GRK3: variants seen among roughly 807,000 people sequenced by gnomAD.
The protein encoded by GRK3 is G protein-coupled receptor kinase 3, also known as adrenergic, beta, receptor kinase 2.
Under a neutral mutation model 95.7 loss-of-function variants are expected in GRK3, and 54 were observed. The observed-to-expected ratio is 0.56, with a 90% CI of 0.45 to 0.71. The LOEUF (loss-of-function observed/expected upper bound fraction) is 0.71. Among genes scored for constraint, GRK3 ranks in the 30% least tolerant of loss-of-function variants. The pLI is 0.00. For missense variants in GRK3, 649 were observed against 851.2 expected, an observed-to-expected ratio of 0.76 and a Z score of 2.96; for synonymous variants, 281 against 290.8, an observed-to-expected ratio of 0.97 and a Z score of 0.34.
At position 25,564,997 on chromosome 22, in the gene GRK3, C is replaced by G. The variant is rs1931396645; in HGVS notation, c.-44C>G. 5.2e-6 allele frequency: 5 copies of G among 965,814 alleles called. No homozygotes were observed. The highest frequency in any genetic ancestry group is 7.1e-6 in the Non-Finnish European group (5 of 702,224). 59.8% of individuals were successfully genotyped at this position (965,814 alleles called of 1,614,324 possible). ...GGCGGCGGCGGGCGCGCGTCCCGTC[C>G]AGGTCCGGAGTAACCGCCGCCGCCG... On this transcript the variant is annotated 5_prime_UTR_variant, in exon 1 of 21. Transcript: ENST00000324198.
intron 1 of GRK3, among the ~76,000 whole-genome samples, chr22:25,596,452 A>G (rs2084373078): frequency 1.3e-5 from 2 of 152,360 alleles, no homozygotes; most frequent in African/African-American, 4.8e-5. Flanking sequence ...TTTTACTTTT[A>G]TATTACTTGC....
intron 1 of GRK3, among the ~76,000 whole-genome samples, chr22:25,571,239 G>A (rs1207354897): frequency 2.0e-5 from 3 of 152,176 alleles, no homozygotes; most frequent in Non-Finnish European, 4.4e-5. Flanking sequence ...TGTCATAGAA[G>A]AGAAGGTTCT....
In GRK3 at chr22:25,564,693, G is replaced by A. The variant is rs180999646; in HGVS notation, c.-348G>A. Reference sequence around the variant, plus strand: ...CGTAGAGACTTGGTCGGGAGGCGCCGGCCCAGCGAGGCCGCTGGGACTGTG... The same window carrying A: ...CGTAGAGACTTGGTCGGGAGGCGCCAGCCCAGCGAGGCCGCTGGGACTGTG... On this transcript the variant is annotated 5_prime_UTR_variant, in exon 1 of 21. Coordinates refer to ENST00000324198, the MANE Select transcript of GRK3 (RefSeq NM_005160.4). 9.4e-4 allele frequency among the ~76,000 whole-genome samples: 142 copies of A among 151,652 alleles called. 1 individual carries two copies. The Middle Eastern group carries it at 0.024, about 26-fold the overall frequency.
Position 25,565,167 on chromosome 22 carries a change from C to A in GRK3, c.113+14C>A, listed in dbSNP as rs1178492928. The A allele has an allele frequency of 1.4e-6, 2 of 1,419,226 alleles. No homozygotes were observed. The highest frequency in any genetic ancestry group is 1.9e-6 in the Non-Finnish European group (2 of 1,059,104). The allele number at this position is 1,419,226 out of a possible 1,614,324, so 87.9% of individuals were successfully genotyped here. On this transcript the variant is annotated intron_variant, in intron 1 of 20. Transcript: ENST00000324198. The stretch of plus-strand genomic sequence containing the variant: ...GCCGGAGCCCAGGTACCAGCTGCCC[C>A]GGCCGGCGCCGGCCCCAAGCCGCCG...
At chr22:25,663,130 C>T (rs1187312342) in intron 4 of GRK3, among the ~76,000 whole-genome samples, 5 of 152,178 alleles carry the variant, frequency 3.3e-5, no homozygotes, top group African/African-American at 1.2e-4. Flanking sequence ...ATCCTCCCAT[C>T]TCAGCCTCCA....
intron 1 of GRK3, among the ~76,000 whole-genome samples, chr22:25,599,308 A>G (rs1479675100): frequency 3.3e-5 from 5 of 152,162 alleles, no homozygotes; most frequent in African/African-American, 1.2e-4. Flanking sequence ...AAAATCACAT[A>G]TATGCCAGGT....
At chr22:25,698,018 A>G (rs542803815) in intron 13 of GRK3, among the ~76,000 whole-genome samples, 3 of 152,118 alleles carry the variant, frequency 2.0e-5, no homozygotes, top group Middle Eastern at 3.4e-3. Flanking sequence ...CCTGCAATGT[A>G]CAAGAGACTG....
At chr22:25,718,192 A>G in intron 18 of GRK3, 53 bp from the exon 19 acceptor site, 2 of 1,573,752 alleles carry the variant, frequency 1.3e-6, no homozygotes, top group African/African-American at 1.4e-5. Flanking sequence ...TAATGCTGCT[A>G]AGACATTTTG....
chr22:25,682,752 G>A (rs2085084390), intron 9 of GRK3, among the ~76,000 whole-genome samples: 1 of 152,026 alleles, frequency 6.6e-6, no homozygotes, highest in Non-Finnish European at 1.5e-5. Context: ...TTTTCATAAG[G>A]GAATACACGC....
intron 13 of GRK3, among the ~76,000 whole-genome samples, chr22:25,699,980 G>A (rs111596722): frequency 0.026 from 3,912 of 152,314 alleles, 60 homozygotes; most frequent in African/African-American, 0.038. Flanking sequence ...TTACAGGCGT[G>A]AGCCCCCGCG....
At chr22:25,613,649 G>A (rs2146349511) in intron 2 of GRK3, among the ~76,000 whole-genome samples, 1 of 151,112 alleles carries the variant, frequency 6.6e-6, no homozygotes, top group Non-Finnish European at 1.5e-5. Flanking sequence ...AAGACACTAG[G>A]GTAGAGGAAA....
At chr22:25,702,983 T>C in intron 13 of GRK3, 1 of 423,880 alleles carries the variant, frequency 2.4e-6, no homozygotes, top group South Asian at 1.7e-5. Flanking sequence ...GAGAATCTGC[T>C]GGTGCACGGT....
chr22:25,587,945 C>A (rs540041537), intron 1 of GRK3, among the ~76,000 whole-genome samples: 1 of 152,214 alleles, frequency 6.6e-6, no homozygotes, highest in Non-Finnish European at 1.5e-5. Context: ...TACCCAGTCT[C>A]GGGTATGTCT....
In GRK3 at chr22:25,704,294, A is replaced by T. The variant is rs1054343307; in HGVS notation, c.1328+85A>T. 3.1e-6 allele frequency: 3 copies of T among 953,666 alleles called. No individual in the cohort carries two copies. The African/African-American group carries it at 5.0e-5, about 16-fold the overall frequency. 59.1% of individuals were successfully genotyped at this position (953,666 alleles called of 1,614,324 possible). A position where few individuals can be genotyped will look rare whatever the true frequency, so the allele number is the denominator to read the frequency against. ...ATACTGTCTATCAAAAGTCATCCCT[A>T]GTCATTAAAATCTTCCATTTTGACT... On this transcript the variant is annotated intron_variant, in intron 15 of 20. Coordinates refer to ENST00000324198, the MANE Select transcript of GRK3 (RefSeq NM_005160.4).
intron 7 of GRK3, among the ~76,000 whole-genome samples, chr22:25,672,983 C>G (rs932661831): frequency 6.8e-6 from 1 of 147,762 alleles, no homozygotes; most frequent in Non-Finnish European, 1.5e-5. Flanking sequence ...CATAGGCTTG[C>G]AATTGGGCAA....
intron 17 of GRK3, among the ~76,000 whole-genome samples, chr22:25,712,719 C>T (rs918113332): frequency 3.3e-5 from 5 of 152,228 alleles, no homozygotes; most frequent in Non-Finnish European, 7.3e-5. Flanking sequence ...CAAGCTTTCT[C>T]TGAGGATAAA....
chr22:25,703,577 G>A lies in GRK3; in HGVS notation c.1227+1G>A. 1 of 1,608,732 alleles carries A rather than the reference G, an allele frequency of 6.2e-7. No individual in the cohort carries two copies. Among genetic ancestry groups the A allele is most frequent in the Non-Finnish European group, 8.5e-7 (1 of 1,175,392 alleles). On this transcript the variant is annotated splice_donor_variant, in intron 14 of 20. Coordinates refer to ENST00000324198, the MANE Select transcript of GRK3 (RefSeq NM_005160.4). LOFTEE classifies it high-confidence loss of function. ...AATTGACCGAATGACACTCACCGTGGTAAGGGGATTCAAAACTGTATTCTT... is the reference window on the plus strand; with the variant it reads ...AATTGACCGAATGACACTCACCGTGATAAGGGGATTCAAAACTGTATTCTT...
chr22:25,619,001 A>G (rs1157448545), intron 2 of GRK3, among the ~76,000 whole-genome samples: 1 of 152,154 alleles, frequency 6.6e-6, no homozygotes, highest in Non-Finnish European at 1.5e-5. Context: ...TCATGGTGAG[A>G]GATTAAGTCT....
At chr22:25,687,487 G>T in intron 10 of GRK3, 50 bp from the exon 11 acceptor site, 1 of 1,596,908 alleles carries the variant, frequency 6.3e-7, no homozygotes, top group East Asian at 2.2e-5. Flanking sequence ...AATGATATTT[G>T]TTTCCTTTAA....
Sources: allele counts gnomAD v4.1 joint callset (sites outside exome capture counted in the v4.1 genomes callset), GRCh38; gene constraint gnomAD v4.1.1; transcripts MANE v1.5; gene names NCBI Gene and HGNC (gene_info 2026-07-23, HGNC 2026-07-21).